Variants in KANK4 observed in about 807,000 individuals in gnomAD.
The protein encoded by KANK4 is KN motif and ankyrin repeat domains 4, also known as KN motif and ankyrin repeat domain-containing protein 4.
In KANK4, 50 loss-of-function variants were observed where a neutral mutation model predicts 80.8. The ratio of observed to expected loss-of-function variants is 0.62; its 90% CI spans 0.49 to 0.78. The LOEUF (loss-of-function observed/expected upper bound fraction) is 0.78, where lower values mean the gene tolerates loss of function less well. Among genes scored for constraint, KANK4 ranks in the 30% least tolerant of loss-of-function variants. The probability of loss-of-function intolerance (pLI) is 0.00; values close to 1 mark genes in which losing one functional copy is unlikely to be tolerated. For synonymous variants in KANK4, 465 were observed against 506.9 expected, an observed-to-expected ratio of 0.92 and a Z score of 1.11; for missense variants, 1,196 against 1,240.1, an observed-to-expected ratio of 0.96 and a Z score of 0.53.
intron 8 of KANK4, among the ~76,000 whole-genome samples, chr1:62,251,665 G>A (rs1228236319): frequency 1.3e-5 from 2 of 152,104 alleles, no homozygotes; most frequent in African/African-American, 2.4e-5. Flanking sequence ...CCTTTTTGGA[G>A]TGAACCCCAA....
chr1:62,312,039 C>A (rs573070457), intron 1 of KANK4, among the ~76,000 whole-genome samples: 9 of 152,042 alleles, frequency 5.9e-5, no homozygotes, highest in African/African-American at 1.9e-4. Flanking sequence ...ACTGGTGAAG[C>A]CTATGGACTC....
At chr1:62,304,351 G>T (rs1644434844) in intron 1 of KANK4, among the ~76,000 whole-genome samples, 1 of 151,938 alleles carries the variant, frequency 6.6e-6, no homozygotes, top group African/African-American at 2.4e-5. Flanking sequence ...TAAGAAAGAG[G>T]TGCTCACTGG....
rs148921330 is a variant in KANK4, at chr1:62,268,786, C to T, written c.2013-281G>A. On this transcript the variant is annotated intron_variant, in intron 4 of 9. Coordinates refer to ENST00000371153, the MANE Select transcript of KANK4 (RefSeq NM_181712.5). ...AACTGTGCTCATTGCAGCAAACCCA[C>T]GAGCAGCCTGTCCCCTCACTGGCTG... 3.3e-5 allele frequency among the ~76,000 whole-genome samples: 5 copies of T among 152,324 alleles called. No homozygotes were observed. In the East Asian group the frequency reaches 9.6e-4, roughly 29 times the overall value.
In KANK4 at chr1:62,273,625, G is replaced by A. The variant is rs1208038935; in HGVS notation, c.1479C>T (p.Ser493=). 7.4e-6 allele frequency: 12 copies of A among 1,614,034 alleles called. No homozygotes were observed. Among genetic ancestry groups the A allele is most frequent in the Admixed American group, 1.7e-5 (1 of 60,008 alleles). ...PEQVLTSSVH[S]FLSTELRIEE... is the part of the protein sequence containing the mutation. Reference sequence around the variant, plus strand: ...CAATCCTGAGTTCAGTGGAGAGGAAGCTATGTACAGAGGAGGTAAGGACCT... The same window carrying A: ...CAATCCTGAGTTCAGTGGAGAGGAAACTATGTACAGAGGAGGTAAGGACCT... Residue 493 remains serine, a synonymous_variant, in exon 3 of 10, where the codon AGC becomes AGT. Coordinates refer to ENST00000371153, the MANE Select transcript of KANK4 (RefSeq NM_181712.5).
At chr1:62,240,445 G>A (rs1671309275) in intron 9 of KANK4, among the ~76,000 whole-genome samples, 1 of 152,186 alleles carries the variant, frequency 6.6e-6, no homozygotes, top group African/African-American at 2.4e-5. Flanking sequence ...CAAGGCCGGT[G>A]GATCACCTGA....
rs985367537 is a variant in KANK4 at position 62,238,451 on chromosome 1, G to C, written c.2884-70C>G. 5 of 1,345,552 alleles carry C rather than the reference G, an allele frequency of 3.7e-6. 1 individual carries two copies. In the African/African-American group the frequency reaches 7.2e-5, roughly 19 times the overall value. The allele number at this position is 1,345,552 out of a possible 1,614,324, so 83.4% of individuals were successfully genotyped here. On this transcript the variant is annotated intron_variant, in intron 9 of 9. Coordinates refer to ENST00000371153, the MANE Select transcript of KANK4 (RefSeq NM_181712.5). ...CCTCCTGCCTGGGGGAGAAGGGCAA[G>C]TTGGGAGTAGAGGGTATGCCTGGGA...
At chr1:62,272,709 C>G (rs998699997) in intron 3 of KANK4, 3 of 152,090 alleles carry the variant, frequency 2.0e-5, no homozygotes, top group African/African-American at 7.3e-5. Flanking sequence ...AGAGCAAAGG[C>G]AAGAGTAGAG....
chr1:62,309,185 G>A (rs1380527364), intron 1 of KANK4, among the ~76,000 whole-genome samples: 2 of 152,242 alleles, frequency 1.3e-5, no homozygotes, highest in Non-Finnish European at 2.9e-5. Flanking sequence ...CTTGCAGACT[G>A]TTGGCATCTG....
intron 9 of KANK4, among the ~76,000 whole-genome samples, chr1:62,245,803 A>G (rs1300436336): frequency 6.6e-6 from 1 of 152,210 alleles, no homozygotes; most frequent in Non-Finnish European, 1.5e-5. Context: ...TACTGTAATT[A>G]TCAGGAACAA....
At chr1:62,310,903 G>A (rs1454277814) in intron 1 of KANK4, among the ~76,000 whole-genome samples, 1 of 152,202 alleles carries the variant, frequency 6.6e-6, no homozygotes, top group African/African-American at 2.4e-5. Flanking sequence ...CTGAGGTTCA[G>A]CATGGTCATG....
chr1:62,260,056 A>C (rs1671842643), intron 7 of KANK4, among the ~76,000 whole-genome samples: 1 of 151,978 alleles, frequency 6.6e-6, no homozygotes, highest in South Asian at 2.1e-4. Flanking sequence ...TCCTGAGGAG[A>C]TCGAGGCCAT....
intron 7 of KANK4, among the ~76,000 whole-genome samples, chr1:62,253,820 T>C (rs899602536): frequency 2.0e-5 from 3 of 152,236 alleles, no homozygotes; most frequent in Non-Finnish European, 4.4e-5. Flanking sequence ...TCTCCTAAAC[T>C]GGAGCACAAG....
intron 2 of KANK4, among the ~76,000 whole-genome samples, chr1:62,278,372 C>T (rs796394682): frequency 0.19 from 4,449 of 23,500 alleles, 632 homozygotes; most frequent in African/African-American, 0.37. Flanking sequence ...TTCCTTCCTT[C>T]CTTCCTTTCT....
At chr1:62,262,594 G>C (rs1011940110) in intron 7 of KANK4, among the ~76,000 whole-genome samples, 1 of 151,964 alleles carries the variant, frequency 6.6e-6, no homozygotes, top group Non-Finnish European at 1.5e-5. Context: ...AATATATAAC[G>C]TATACTCACA....
At chr1:62,278,597 T>A (rs916650976) in intron 2 of KANK4, among the ~76,000 whole-genome samples, 1 of 151,494 alleles carries the variant, frequency 6.6e-6, no homozygotes. Flanking sequence ...GTTTCACTAT[T>A]TTGGCCAGGC....
chr1:62,263,606 C>T (rs1047109563), intron 6 of KANK4, among the ~76,000 whole-genome samples: 4 of 152,092 alleles, frequency 2.6e-5, no homozygotes, highest in African/African-American at 4.8e-5. Context: ...GCTCACACCC[C>T]CCAGTAAGAA....
chr1:62,297,377 G>C (rs1266855136), intron 1 of KANK4, among the ~76,000 whole-genome samples: 1 of 152,118 alleles, frequency 6.6e-6, no homozygotes. Context: ...TTAGGTAGGT[G>C]CTATTATATC....
chr1:62,318,551 C>G (rs762674425), intron 1 of KANK4, among the ~76,000 whole-genome samples: 8 of 152,246 alleles, frequency 5.3e-5, no homozygotes, highest in Non-Finnish European at 7.3e-5. Flanking sequence ...CCAAAGGGAG[C>G]CCTGGAAAGT....
chr1:62,273,346 G>C lies in KANK4; in HGVS notation c.1758C>G (p.Ala586=), dbSNP rs1198978823. 1.2e-6 allele frequency: 2 copies of C among 1,608,476 alleles called. No individual in the cohort carries two copies. Among genetic ancestry groups the C allele is most frequent in the Non-Finnish European group, 1.7e-6 (2 of 1,175,822 alleles). Residue 586 remains alanine, a synonymous_variant, in exon 3 of 10, where the codon GCC becomes GCG. Transcript: ENST00000371153. ...NCLEHGYPEL[A]SAIKQPASKL... is the part of the protein sequence containing the mutation. ...TGGAGGCTGGCTGCTTGATGGCGCT[G>C]GCCAGCTCCGGGTACCCATGCTCCA...
Sources: gnomAD v4.1 joint callset for allele counts (sites outside exome capture counted in the v4.1 genomes callset) on GRCh38, gnomAD v4.1.1 for gene constraint, MANE v1.5 for transcripts, NCBI Gene and HGNC (gene_info 2026-07-23, HGNC 2026-07-21) for gene names.